The following RO60 variants were observed in gnomAD, a reference collection of about 807,000 sequenced individuals.
The protein encoded by RO60 is RNA-binding protein RO60.
Under a neutral mutation model 55.3 loss-of-function variants are expected in RO60, and 20 were observed. The observed-to-expected ratio is 0.36, with a 90% confidence interval of 0.25 to 0.53. The LOEUF (loss-of-function observed/expected upper bound fraction) is 0.53. RO60 is among the 20% of genes least tolerant of loss of function. RO60 has a pLI of 0.92. For missense variants in RO60, 558 were observed against 646.6 expected (o/e 0.86, Z 1.49); for synonymous variants, 213 against 213.6 (o/e 1.00, Z 0.02).
Position 193,069,232 on chromosome 1 carries a change from G to A in RO60, c.178G>A (p.Ala60Thr). 1 of 1,614,216 alleles carries A rather than the reference G, an allele frequency of 6.2e-7. No individual in the cohort carries two copies. The highest frequency in any genetic ancestry group is 8.5e-7 in the Non-Finnish European group (1 of 1,180,036). Residue 60 changes from alanine to threonine, a missense_variant, in exon 2 of 9, where the codon GCT becomes ACT. By Grantham distance (58) the Ala-to-Thr change is moderately conservative (BLOSUM62 0). Coordinates refer to ENST00000400968, the MANE Select transcript of RO60 (RefSeq NM_001173524.2). ...EQKLGLENAE[A>T]LIRLIEDGRG... is the part of the protein sequence containing the mutation. ...GAAGTTGGGCCTTGAAAATGCTGAA[G>A]CTTTAATTAGATTGATTGAAGATGG...
In RO60 at chr1:193,069,196, A is replaced by G. The variant is rs760765545; in HGVS notation, c.142A>G (p.Ile48Val). 3.1e-6 allele frequency: 5 copies of G among 1,614,148 alleles called. No homozygotes were observed. Among genetic ancestry groups the G allele is most frequent in the African/African-American group, 1.3e-5 (1 of 74,954 alleles). ...CFGSEGGTYY[I>V]KEQKLGLENA... ...CGGTTCTGAAGGTGGGACTTATTAT[A>G]TCAAAGAACAGAAGTTGGGCCTTGA... Residue 48 changes from isoleucine (I) to valine (V), a missense_variant, in exon 2 of 9, where the codon ATC (isoleucine) becomes GTC (valine). Transcript: ENST00000400968.
chr1:193,083,409 A>G (rs1177292560), intron 8 of RO60, among the ~76,000 whole-genome samples: 2 of 152,222 alleles, frequency 1.3e-5, no homozygotes, highest in South Asian at 2.1e-4. Context: ...CTGTGTTCTA[A>G]TCAGTATCCT....
Position 193,076,487 on chromosome 1 carries a change from T to C in RO60, c.802-14T>C, listed in dbSNP as rs955602091. On this transcript the variant is annotated splice_polypyrimidine_tract_variant and intron_variant, in intron 3 of 8. Coordinates refer to ENST00000400968, the MANE Select transcript of RO60 (RefSeq NM_001173524.2). ...CCTTAATTCCTGGTATTTCTGCCTA[T>C]GTTATTGCAATAGGTATGGAAGGCT... 1.2e-6 allele frequency: 2 copies of C among 1,607,428 alleles called. No individual in the cohort carries two copies. Among genetic ancestry groups the C allele is most frequent in the Non-Finnish European group, 1.7e-6 (2 of 1,177,966 alleles).
chr1:193,065,178 A>G (rs1335660231), intron 1 of RO60, among the ~76,000 whole-genome samples: 4 of 152,222 alleles, frequency 2.6e-5, no homozygotes, highest in Admixed American at 1.3e-4. Context: ...CAGAAAGTCA[A>G]CTTTAATGAT....
At chr1:193,070,683 A>G (rs1673429942) in intron 2 of RO60, 1 of 365,208 alleles carries the variant, frequency 2.7e-6, no homozygotes, top group South Asian at 2.0e-5. Context: ...TAAGCTTACA[A>G]TTATTGAGAC....
intron 5 of RO60, among the ~76,000 whole-genome samples, chr1:193,080,387 A>G (rs542078172): frequency 1.2e-3 from 187 of 152,344 alleles, no homozygotes; most frequent in African/African-American, 4.3e-3. Flanking sequence ...TAGAATTACC[A>G]TACCATCCAG....
rs368067826 is a variant in RO60 at position 193,086,013 on chromosome 1, C to A, written c.*1282C>A. On this transcript the variant is annotated 3_prime_UTR_variant, in exon 9 of 9. Transcript: ENST00000400968. ...ATCTTTGCTCATAATTTTATTATGG[C>A]CGTCTAAGGTAGCTTACACATAAAA... 29 of 985,034 alleles carry A rather than the reference C, an allele frequency of 2.9e-5. No individual in the cohort carries two copies. The African/African-American group carries it at 4.9e-4, about 17-fold the overall frequency. The allele number at this position is 985,034 out of a possible 1,614,324, so 61.0% of individuals were successfully genotyped here. A position where few individuals can be genotyped will look rare whatever the true frequency, so the allele number is the denominator to read the frequency against.
At position 193,086,141 on chromosome 1, in the gene RO60, T is replaced by A; in HGVS notation, c.*1410T>A. On this transcript the variant is annotated 3_prime_UTR_variant, in exon 9 of 9. Transcript: ENST00000400968. ...GTGAAAAGTCAAACTGTAGTTAATGTAAATTATAGCCTTTTAGGTGCTTGG... is the reference window on the plus strand; with the variant it reads ...GTGAAAAGTCAAACTGTAGTTAATGAAAATTATAGCCTTTTAGGTGCTTGG... The A allele has an allele frequency of 1.5e-6, 1 of 669,176 alleles. No homozygotes were observed. Among genetic ancestry groups the A allele is most frequent in the Non-Finnish European group, 1.8e-6 (1 of 541,948 alleles). 41.5% of individuals were successfully genotyped at this position (669,176 alleles called of 1,614,324 possible).
downstream of RO60, chr1:193,091,553 T>A (rs1674858755): frequency 9.6e-7 from 1 of 1,040,310 alleles, no homozygotes; most frequent in Non-Finnish European, 1.4e-6. Context: ...ATTTTGCTGT[T>A]TTCTAATAGA....
chr1:193,059,612 A>G lies in RO60; in HGVS notation c.-186A>G. ...GGCGGGGCAAAAGAAGAGGGGCAGG[A>G]CTCGTTCCCGGGAACCGAACCTGGA... is the stretch of plus-strand genomic sequence containing the variant. On this transcript the variant is annotated 5_prime_UTR_variant, in exon 1 of 9. Transcript: ENST00000400968. The surrounding 1 kb of genome is among the most constrained non-coding windows in gnomAD (Gnocchi z 4.9). 1 of 1,430,706 alleles carries G rather than the reference A, an allele frequency of 7.0e-7. No individual in the cohort carries two copies. The highest frequency in any genetic ancestry group is 9.4e-7 in the Non-Finnish European group (1 of 1,065,296). 88.6% of individuals were successfully genotyped at this position (1,430,706 alleles called of 1,614,324 possible).
At chr1:193,063,360 G>T (rs570486472) in intron 1 of RO60, among the ~76,000 whole-genome samples, 1 of 152,192 alleles carries the variant, frequency 6.6e-6, no homozygotes, top group African/African-American at 2.4e-5. Context: ...ACCCATTTGT[G>T]TGTCTTTGGA....
intron 1 of RO60, among the ~76,000 whole-genome samples, chr1:193,067,333 C>T (rs192347030): frequency 1.8e-3 from 271 of 151,778 alleles, no homozygotes; most frequent in African/African-American, 6.4e-3. Context: ...GGGACTACAG[C>T]GCCTGCCAAC....
At chr1:193,061,919 G>T (rs1436527044) in intron 1 of RO60, among the ~76,000 whole-genome samples, 4 of 151,870 alleles carry the variant, frequency 2.6e-5, no homozygotes, top group Non-Finnish European at 1.5e-5. Flanking sequence ...GGAGGGCGGA[G>T]GTTACAGTGA....
intron 5 of RO60, among the ~76,000 whole-genome samples, chr1:193,081,122 AT>A (rs571261367): frequency 2.4e-3 from 359 of 152,298 alleles, no homozygotes; most frequent in African/African-American, 8.4e-3. Context: ...AACTAAAATT[AT>A]TGAATAGGTT....
chr1:193,084,489 T>G (rs1674527932), intron 8 of RO60, 90 bp from the exon 9 acceptor site: 1 of 1,385,988 alleles, frequency 7.2e-7, no homozygotes, highest in Non-Finnish European at 9.5e-7. Flanking sequence ...AAAGCTCTGG[T>G]AGAGAAATGT....
chr1:193,075,999 G>T lies in RO60; in HGVS notation c.760G>T (p.Val254Phe). Residue 254 changes from valine (V) to phenylalanine (F), a missense_variant, in exon 3 of 9, where the codon GTT (valine) becomes TTT (phenylalanine). Physicochemically the swap from Val to Phe is conservative, Grantham distance 50. Coordinates refer to ENST00000400968, the MANE Select transcript of RO60 (RefSeq NM_001173524.2). ...TCATCTAATAGAAGAACATAGATTA[G>T]TTAGAGAACATCTTTTAACAAATCA... is the stretch of plus-strand genomic sequence containing the variant. ...VIHLIEEHRL[V>F]REHLLTNHLK... The T allele has an allele frequency of 6.2e-7, 1 of 1,611,228 alleles. No homozygotes were observed. The highest frequency in any genetic ancestry group is 8.5e-7 in the Non-Finnish European group (1 of 1,179,000).
intron 1 of RO60, among the ~76,000 whole-genome samples, chr1:193,064,505 T>C (rs1036920104): frequency 3.9e-5 from 6 of 152,212 alleles, no homozygotes; most frequent in African/African-American, 1.4e-4. Context: ...AGTTTATGTG[T>C]GTATCACACT....
chr1:193,065,959 CTA>C (rs1673077303), intron 1 of RO60, among the ~76,000 whole-genome samples: 2 of 152,218 alleles, frequency 1.3e-5, no homozygotes, highest in Admixed American at 6.5e-5. Flanking sequence ...CCCTACACCA[CTA>C]TGTGTTCCCC....
At chr1:193,065,074 A>T (rs573511816) in intron 1 of RO60, among the ~76,000 whole-genome samples, 18 of 152,186 alleles carry the variant, frequency 1.2e-4, no homozygotes, top group African/African-American at 4.3e-4. Flanking sequence ...AAAGACTTGT[A>T]TTATATTTTG....
Sources: allele counts gnomAD v4.1 joint callset (sites outside exome capture counted in the v4.1 genomes callset), GRCh38; gene constraint gnomAD v4.1.1; non-coding constraint Gnocchi (gnomAD v3.1); transcripts MANE v1.5; gene names NCBI Gene and HGNC (gene_info 2026-07-23, HGNC 2026-07-21).